TIAM2: variants seen among roughly 807,000 people sequenced by gnomAD.
The protein encoded by TIAM2 is TIAM Rac1 associated GEF 2.
A neutral mutation model predicts 152.9 loss-of-function variants in TIAM2; 80 were observed. That is an observed-to-expected ratio of 0.52 (90% CI 0.44 to 0.63). TIAM2 has a LOEUF of 0.63. Among genes scored for constraint, TIAM2 ranks in the 30% least tolerant of loss-of-function variants. The pLI is 0.00. For synonymous variants in TIAM2, 804 were observed against 838.0 expected, an observed-to-expected ratio of 0.96 and a Z score of 0.70; for missense variants, 1,965 against 2,120.1, an observed-to-expected ratio of 0.93 and a Z score of 1.44.
chr6:155,012,252 AC>A lies in TIAM2; in HGVS notation c.-209+16761del, dbSNP rs371485487. Among the ~76,000 whole-genome samples the A allele has an allele frequency of 6.4e-3, 981 of 152,226 alleles. 13 individuals are homozygous for A. Among genetic ancestry groups the A allele is most frequent in the African/African-American group, 0.022 (918 of 41,558 alleles). On this transcript the variant is annotated intron_variant, in intron 1 of 26. Coordinates refer to ENST00000682666, the MANE Select transcript of TIAM2 (RefSeq NM_012454.4). ...TATTTCATTTTGTACTGTACGGCCC[AC>A]ATTTCTTATCCTGTTCTTTACTATG...
intron 1 of TIAM2, among the ~76,000 whole-genome samples, chr6:155,071,142 C>T (rs2114953683): frequency 6.6e-6 from 1 of 151,802 alleles, no homozygotes; most frequent in East Asian, 1.9e-4. Flanking sequence ...CACTGCGCTC[C>T]AGCTTAGGCA....
Position 155,139,456 on chromosome 6 carries a change from A to G in TIAM2, c.1630+1844A>G, listed in dbSNP as rs950876788. 5.3e-5 allele frequency among the ~76,000 whole-genome samples: 8 copies of G among 152,352 alleles called. No individual in the cohort carries two copies. The East Asian group carries it at 1.3e-3, about 26-fold the overall frequency. On this transcript the variant is annotated intron_variant, in intron 5 of 26. Transcript: ENST00000682666. Reference sequence around the variant, plus strand: ...GACATTGTGGCTGGCTGAGGAAGGTAAAGAACGTCCCCAGTTTTTCCATAC... The same window carrying G: ...GACATTGTGGCTGGCTGAGGAAGGTGAAGAACGTCCCCAGTTTTTCCATAC...
chr6:155,006,682 CAA>C (rs577214442), intron 1 of TIAM2, among the ~76,000 whole-genome samples: 32 of 87,140 alleles, frequency 3.7e-4, no homozygotes, highest in Admixed American at 5.8e-4. Context: ...CTCCCCCCAC[CAA>C]AAAAAAAAAA....
At chr6:155,066,040 T>C (rs934077924) in intron 1 of TIAM2, among the ~76,000 whole-genome samples, 3 of 152,336 alleles carry the variant, frequency 2.0e-5, no homozygotes, top group African/African-American at 7.2e-5. Context: ...AGCATTTAAC[T>C]TTTGAAACTC....
At chr6:155,018,909 A>G (rs749101411) in intron 1 of TIAM2, among the ~76,000 whole-genome samples, 3 of 146,086 alleles carry the variant, frequency 2.1e-5, no homozygotes, top group Admixed American at 6.9e-5. Flanking sequence ...GTCTGGTGGC[A>G]GGCACCTGTA....
At chr6:155,166,687 C>T (rs541522125) in intron 9 of TIAM2, among the ~76,000 whole-genome samples, 40 of 152,236 alleles carry the variant, frequency 2.6e-4, no homozygotes, top group Middle Eastern at 3.4e-3. Context: ...GCCCAAGTAT[C>T]GTAAATTGTT....
intron 15 of TIAM2, among the ~76,000 whole-genome samples, chr6:155,211,795 G>A (rs924060372): frequency 1.3e-5 from 2 of 151,830 alleles, no homozygotes; most frequent in Non-Finnish European, 2.9e-5. Flanking sequence ...ATTCACATTG[G>A]TTTGCAACCA....
chr6:155,231,900 C>G (rs1782492982), intron 15 of TIAM2, among the ~76,000 whole-genome samples: 1 of 152,162 alleles, frequency 6.6e-6, no homozygotes, highest in Non-Finnish European at 1.5e-5. Context: ...CATGATGAAA[C>G]TGAAACCCTG....
intron 2 of TIAM2, among the ~76,000 whole-genome samples, chr6:155,119,249 G>T (rs950008141): frequency 1.3e-5 from 2 of 152,002 alleles, no homozygotes; most frequent in African/African-American, 2.4e-5. Flanking sequence ...TGGCCAGGCT[G>T]GTCTCAGACT....
rs368350488 is a variant in TIAM2 at position 155,244,833 on chromosome 6, G to A, written c.3543+50G>A. 5.1e-5 allele frequency: 79 copies of A among 1,541,888 alleles called. No homozygotes were observed. The African/African-American group carries it at 8.0e-4, about 16-fold the overall frequency. ...AAGTAAAAATACGTGGCTATGGTAC[G>A]TATTTCTCTCATGAGAATTCTCTCA... is the stretch of plus-strand genomic sequence containing the variant. On this transcript the variant is annotated intron_variant, in intron 18 of 26. Coordinates refer to ENST00000682666, the MANE Select transcript of TIAM2 (RefSeq NM_012454.4).
rs116771477 is a variant in TIAM2, at chr6:155,173,661, G to A, written c.2362-3155G>A. Among the ~76,000 whole-genome samples the A allele has an allele frequency of 5.0e-3, 756 of 152,236 alleles. 10 individuals are homozygous for A. Among genetic ancestry groups the A allele is most frequent in the African/African-American group, 0.017 (715 of 41,520 alleles). ...GCACTGAAGTTTTGGGTGTGTCCTGGGTGTGGGACGCACTGTGTTAATGGC... is the reference window on the plus strand; with the variant it reads ...GCACTGAAGTTTTGGGTGTGTCCTGAGTGTGGGACGCACTGTGTTAATGGC... On this transcript the variant is annotated intron_variant, in intron 9 of 26. Coordinates refer to ENST00000682666, the MANE Select transcript of TIAM2 (RefSeq NM_012454.4).
At chr6:155,168,791 C>A in intron 9 of TIAM2, 2 of 1,398,522 alleles carry the variant, frequency 1.4e-6, no homozygotes, top group Non-Finnish European at 1.9e-6. Flanking sequence ...GGGTAGCTGG[C>A]AGATGAATAT....
intron 6 of TIAM2, 65 bp from the exon 7 acceptor site, chr6:155,148,044 GC>G (rs1779857269): frequency 3.3e-6 from 5 of 1,533,590 alleles, no homozygotes; most frequent in Middle Eastern, 2.0e-4. Context: ...AGCCCAGCCT[GC>G]CATTTTGGAG....
At chr6:155,240,358 G>A (rs1258736150) in intron 15 of TIAM2, among the ~76,000 whole-genome samples, 172 bp from the exon 16 acceptor site, 1 of 152,192 alleles carries the variant, frequency 6.6e-6, no homozygotes, top group Admixed American at 6.5e-5. Context: ...TCCTTACTCA[G>A]ATCCGAAATG....
chr6:155,040,865 A>G (rs1777013208), intron 1 of TIAM2, among the ~76,000 whole-genome samples: 1 of 152,174 alleles, frequency 6.6e-6, no homozygotes, highest in Non-Finnish European at 1.5e-5. Context: ...AGCTTTTGGA[A>G]GTAAAATAAC....
chr6:155,129,911 C>A lies in TIAM2; in HGVS notation c.688C>A (p.Pro230Thr). The A allele has an allele frequency of 6.2e-7, 1 of 1,613,916 alleles. No homozygotes were observed. The highest frequency in any genetic ancestry group is 8.5e-7 in the Non-Finnish European group (1 of 1,180,030). The part of the protein sequence containing the change: ...ADSLPSHRPS[P>T]TDSRLRSSKG... The stretch of plus-strand genomic sequence containing the variant: ...TTCCCTGCCCAGCCATCGCCCCTCT[C>A]CCACGGACTCTCGCCTGCGGTCCAG... Residue 230 changes from proline to threonine, a missense_variant, in exon 4 of 27, where the codon CCC becomes ACC. Physicochemically the swap from Pro to Thr is conservative, Grantham distance 38. Coordinates refer to ENST00000682666, the MANE Select transcript of TIAM2 (RefSeq NM_012454.4). The surrounding 1 kb of genome is among the most constrained non-coding windows in gnomAD (Gnocchi z 4.8).
At chr6:155,123,958 G>A (rs1020947874) in intron 2 of TIAM2, among the ~76,000 whole-genome samples, 1 of 152,176 alleles carries the variant, frequency 6.6e-6, no homozygotes, top group African/African-American at 2.4e-5. Flanking sequence ...TGAAAGGGTA[G>A]CTAAGGTTCA....
rs139357295 is a variant in TIAM2, at chr6:155,213,512, C to G, written c.3168+2205C>G. The stretch of plus-strand genomic sequence containing the variant: ...CAGGGCTCAGAGGGGTGGAAATGTG[C>G]ACTGATTGGTCCATAGTGGCCATGA... On this transcript the variant is annotated intron_variant, in intron 15 of 26. Transcript: ENST00000682666. The surrounding 1 kb of genome is among the most constrained non-coding windows in gnomAD (Gnocchi z 4.2). 1.3e-5 allele frequency among the ~76,000 whole-genome samples: 2 copies of G among 152,178 alleles called. No homozygotes were observed. Among genetic ancestry groups the G allele is most frequent in the Admixed American group, 6.5e-5 (1 of 15,282 alleles).
At chr6:155,088,456 A>C (rs1331032143) in intron 1 of TIAM2, among the ~76,000 whole-genome samples, 1 of 152,214 alleles carries the variant, frequency 6.6e-6, no homozygotes, top group Non-Finnish European at 1.5e-5. Context: ...TTTACACTGA[A>C]AGTCTAGTTG....
Sources: allele counts gnomAD v4.1 joint callset (sites outside exome capture counted in the v4.1 genomes callset), GRCh38; gene constraint gnomAD v4.1.1; non-coding constraint Gnocchi (gnomAD v3.1); transcripts MANE v1.5; gene names NCBI Gene and HGNC (gene_info 2026-07-23, HGNC 2026-07-21).